Variants in HSD17B12 observed in about 807,000 individuals in gnomAD.
The protein encoded by HSD17B12 is hydroxysteroid 17-beta dehydrogenase 12.
In HSD17B12, 32 loss-of-function variants were observed where a neutral mutation model predicts 39.3. That is an observed-to-expected ratio of 0.81 (90% CI 0.61 to 1.09). The LOEUF (loss-of-function observed/expected upper bound fraction) is 1.09, where lower values mean the gene tolerates loss of function less well. Among genes scored for constraint, HSD17B12 ranks in the 50% least tolerant of loss-of-function variants. The pLI, the probability that HSD17B12 is intolerant of heterozygous loss-of-function variation, is 0.00. For synonymous variants in HSD17B12, 150 were observed against 146.7 expected (o/e 1.02, Z -0.16); for missense variants, 342 against 382.9 (o/e 0.89, Z 0.89).
chr11:43,575,583 G>A, the HSD17B12 span, among the ~76,000 whole-genome samples: 1 of 152,250 alleles, frequency 6.6e-6, no homozygotes. The surrounding 1 kb of genome is among the most constrained non-coding windows in gnomAD (Gnocchi z 4.1). Flanking sequence ...AGCCTGCTCT[G>A]CAGCTGCCCA....
the HSD17B12 span, among the ~76,000 whole-genome samples, chr11:43,651,684 G>C: frequency 2.0e-5 from 3 of 152,182 alleles, no homozygotes; most frequent in Non-Finnish European, 2.9e-5. Flanking sequence ...AGGTTCAAGT[G>C]ATTCCTGTGC....
the HSD17B12 span, among the ~76,000 whole-genome samples, chr11:43,661,812 A>G: frequency 6.6e-6 from 1 of 152,226 alleles, no homozygotes; most frequent in East Asian, 1.9e-4. Flanking sequence ...TCAAGCCATT[A>G]AAAGTTATAT....
At chr11:43,718,129 A>G (rs1028168657) in intron 1 of HSD17B12, among the ~76,000 whole-genome samples, 1 of 152,186 alleles carries the variant, frequency 6.6e-6, no homozygotes, top group African/African-American at 2.4e-5. Flanking sequence ...ATGTTGGTCA[A>G]AGCAAGCCAC....
intron 9 of HSD17B12, among the ~76,000 whole-genome samples, 160 bp downstream of exon 9, chr11:43,840,224 G>T (rs189141229): frequency 6.6e-6 from 1 of 152,168 alleles, no homozygotes; most frequent in Non-Finnish European, 1.5e-5. Context: ...TAATGCACTT[G>T]TCTAGATTTT....
intron 7 of HSD17B12, among the ~76,000 whole-genome samples, chr11:43,835,255 C>T (rs575073772): frequency 6.6e-6 from 1 of 152,112 alleles, no homozygotes; most frequent in Non-Finnish European, 1.5e-5. Context: ...ATGAGTCTGG[C>T]TGTGCCATGG....
At chr11:43,770,089 C>T (rs1348761053) in intron 3 of HSD17B12, among the ~76,000 whole-genome samples, 3 of 152,186 alleles carry the variant, frequency 2.0e-5, no homozygotes, top group African/African-American at 7.2e-5. Context: ...GTATCTTGAT[C>T]CCCAGTGTCT....
chr11:43,810,491 C>T (rs1470186667), intron 4 of HSD17B12, among the ~76,000 whole-genome samples: 8 of 151,246 alleles, frequency 5.3e-5, no homozygotes, highest in South Asian at 2.1e-4. Flanking sequence ...GGATGGGGGC[C>T]GAGGAGAGCG....
intron 3 of HSD17B12, among the ~76,000 whole-genome samples, chr11:43,771,924 AAAAAC>A (rs1950654426): frequency 6.6e-6 from 1 of 152,234 alleles, no homozygotes; most frequent in Non-Finnish European, 1.5e-5. Flanking sequence ...CTGTCACCTT[AAAAAC>A]AAAACAAGAC....
intron 1 of HSD17B12, among the ~76,000 whole-genome samples, chr11:43,709,128 T>C (rs1950041658): frequency 6.6e-6 from 1 of 152,168 alleles, no homozygotes; most frequent in Non-Finnish European, 1.5e-5. Context: ...GCAAGACTTT[T>C]TTTTTTCTTT....
the HSD17B12 span, among the ~76,000 whole-genome samples, chr11:43,631,458 G>T: frequency 8.5e-5 from 13 of 152,096 alleles, no homozygotes; most frequent in Non-Finnish European, 1.0e-4. Flanking sequence ...TCCTATAAAA[G>T]GAGACACTTA....
chr11:43,760,540 A>G lies in HSD17B12; in HGVS notation c.283+6419A>G, dbSNP rs556212015. On this transcript the variant is annotated intron_variant, in intron 3 of 10. Transcript: ENST00000278353. ...CTTGAAATGCAATGCTTTTTTAGAA[A>G]TGTAAATCTTACTGGTCTATAGTGA... Among the ~76,000 whole-genome samples, 4 of 152,318 alleles carry G rather than the reference A, an allele frequency of 2.6e-5. No individual in the cohort carries two copies. In the East Asian group the frequency reaches 7.7e-4, roughly 29 times the overall value.
chr11:43,585,919 C>A, the HSD17B12 span, among the ~76,000 whole-genome samples: 2 of 152,146 alleles, frequency 1.3e-5, no homozygotes, highest in Admixed American at 6.5e-5. Context: ...CATGGATAGA[C>A]TAAACCTCAA....
Position 43,733,330 on chromosome 11 carries a change from G to A in HSD17B12, c.161-17581G>A, listed in dbSNP as rs1171281599. 4.6e-5 allele frequency among the ~76,000 whole-genome samples: 7 copies of A among 152,292 alleles called. No individual in the cohort carries two copies. The East Asian group carries it at 1.4e-3, about 29-fold the overall frequency. On this transcript the variant is annotated intron_variant, in intron 1 of 10. Coordinates refer to ENST00000278353, the MANE Select transcript of HSD17B12 (RefSeq NM_016142.3). ...GATTGTCACTTCTTCTGTTAAATTA[G>A]ATGCTTTAATCAGGTCTTATTATCT...
intron 9 of HSD17B12, among the ~76,000 whole-genome samples, chr11:43,848,815 T>C (rs936875558): frequency 6.6e-6 from 1 of 152,142 alleles, no homozygotes; most frequent in African/African-American, 2.4e-5. Context: ...ATCCCAAACT[T>C]AATCCTTTAG....
chr11:43,606,445 C>A, the HSD17B12 span, among the ~76,000 whole-genome samples: 1 of 152,168 alleles, frequency 6.6e-6, no homozygotes, highest in Non-Finnish European at 1.5e-5. Flanking sequence ...CTCAGGGGAA[C>A]TTTTTTATCA....
chr11:43,718,960 A>C, intron 1 of HSD17B12: 1 of 1,058,834 alleles, frequency 9.4e-7, no homozygotes, highest in Non-Finnish European at 1.5e-6. Flanking sequence ...ACAACAACAC[A>C]CTTGTGTTCA....
At chr11:43,572,615 A>G in the HSD17B12 span, among the ~76,000 whole-genome samples, 1 of 152,208 alleles carries the variant, frequency 6.6e-6, no homozygotes, top group East Asian at 1.9e-4. Context: ...AATGGGAAAA[A>G]TAATAACTGT....
chr11:43,842,977 T>A (rs1178948913), intron 9 of HSD17B12, among the ~76,000 whole-genome samples: 1 of 152,226 alleles, frequency 6.6e-6, no homozygotes, highest in African/African-American at 2.4e-5. Context: ...CACCTAGTAA[T>A]CTGGTGTGAC....
chr11:43,797,747 A>G (rs1460747436), intron 3 of HSD17B12, among the ~76,000 whole-genome samples: 1 of 152,192 alleles, frequency 6.6e-6, no homozygotes, highest in African/African-American at 2.4e-5. Flanking sequence ...GTTGTTTCTC[A>G]TGTTACTTTA....
Sources: gnomAD v4.1 joint callset for allele counts (sites outside exome capture counted in the v4.1 genomes callset) on GRCh38, gnomAD v4.1.1 for gene constraint, Gnocchi (gnomAD v3.1) non-coding constraint, MANE v1.5 for transcripts, NCBI Gene and HGNC (gene_info 2026-07-23, HGNC 2026-07-21) for gene names.